The following RNF24 variants were observed in gnomAD, a reference collection of about 807,000 sequenced individuals.
RNF24 encodes ring finger protein 24.
Under a neutral mutation model 20.0 loss-of-function variants are expected in RNF24, and 14 were observed. The ratio of observed to expected loss-of-function variants is 0.70; its 90% CI spans 0.46 to 1.10. The LOEUF is 1.10. Among genes scored for constraint, RNF24 ranks in the 50% least tolerant of loss-of-function variants. RNF24 has a pLI of 0.00. For synonymous variants in RNF24, 45 were observed against 61.1 expected, an observed-to-expected ratio of 0.74 and a Z score of 1.23; for missense variants, 124 against 177.6, an observed-to-expected ratio of 0.70 and a Z score of 1.71.
intron 1 of RNF24, among the ~76,000 whole-genome samples, chr20:3,999,718 T>C (rs2147062262): frequency 6.6e-6 from 1 of 152,308 alleles, no homozygotes; most frequent in East Asian, 1.9e-4. Flanking sequence ...CATGCCATTG[T>C]ACTCCTGCAT....
chr20:3,973,500 C>A (rs1409742843), intron 1 of RNF24, among the ~76,000 whole-genome samples: 100 of 101,034 alleles, frequency 9.9e-4, no homozygotes, highest in Non-Finnish European at 1.3e-3. Flanking sequence ...GGAAGAATGA[C>A]AAAAAAAAAA....
chr20:3,973,302 C>T (rs6107380), intron 1 of RNF24, among the ~76,000 whole-genome samples: 1 of 151,568 alleles, frequency 6.6e-6, no homozygotes, highest in Admixed American at 6.6e-5. Flanking sequence ...TAAACGCACA[C>T]ATAAGAAAAT....
chr20:3,963,745 CG>C (rs1232203602), intron 2 of RNF24, 129 bp downstream of exon 2: 10 of 650,148 alleles, frequency 1.5e-5, no homozygotes, highest in Non-Finnish European at 2.6e-5. Flanking sequence ...CAGATTAAAA[CG>C]GTAAGCCATC....
At chr20:3,987,728 T>C (rs1277660666) in intron 1 of RNF24, among the ~76,000 whole-genome samples, 1 of 152,212 alleles carries the variant, frequency 6.6e-6, no homozygotes, top group African/African-American at 2.4e-5. Flanking sequence ...GTTCTGAGAT[T>C]CTCATAATAT....
chr20:3,993,746 T>C (rs999342378), intron 1 of RNF24, among the ~76,000 whole-genome samples: 1 of 152,218 alleles, frequency 6.6e-6, no homozygotes, highest in African/African-American at 2.4e-5. Flanking sequence ...TGATGCATCT[T>C]GGATCATCTT....
intron 1 of RNF24, among the ~76,000 whole-genome samples, chr20:3,982,663 G>A (rs1168136531): frequency 6.6e-6 from 1 of 151,854 alleles, no homozygotes; most frequent in South Asian, 2.1e-4. Context: ...AAGGTGGGAG[G>A]ATCCCTTGAG....
intron 1 of RNF24, chr20:4,015,225 A>C (rs1600735600): frequency 6.7e-6 from 1 of 149,316 alleles, no homozygotes; most frequent in Non-Finnish European, 1.5e-5. Flanking sequence ...GCCGCGCCGG[A>C]CCCTCCTCCG....
chr20:3,998,527 A>G (rs774637530), intron 1 of RNF24, among the ~76,000 whole-genome samples: 3 of 138,230 alleles, frequency 2.2e-5, no homozygotes, highest in Non-Finnish European at 3.1e-5. Context: ...GTGAGCCGAG[A>G]TTGCAACACT....
chr20:3,949,029 A>T (rs1211043419), intron 2 of RNF24, among the ~76,000 whole-genome samples: 1 of 152,242 alleles, frequency 6.6e-6, no homozygotes, highest in East Asian at 1.9e-4. Context: ...CTTTTAGTGG[A>T]CATATATACT....
chr20:3,937,252 A>G (rs1440541626), intron 4 of RNF24, among the ~76,000 whole-genome samples: 1 of 152,216 alleles, frequency 6.6e-6, no homozygotes. Flanking sequence ...TAAATGCTAA[A>G]GGTGACCAAA....
chr20:3,974,217 C>T, intron 1 of RNF24: 1 of 1,036,706 alleles, frequency 9.6e-7, no homozygotes, highest in Middle Eastern at 2.1e-4. Context: ...AAGAGAACTT[C>T]TTCAACATGT....
chr20:3,977,637 G>A (rs1292029684), intron 1 of RNF24, among the ~76,000 whole-genome samples: 5 of 152,042 alleles, frequency 3.3e-5, no homozygotes, highest in Non-Finnish European at 5.9e-5. Context: ...AGGCCGAGGC[G>A]GGCGGATCAC....
At chr20:4,010,088 A>T (rs1036544382) in intron 1 of RNF24, among the ~76,000 whole-genome samples, 7 of 114,810 alleles carry the variant, frequency 6.1e-5, no homozygotes, top group African/African-American at 2.1e-4. Context: ...CAAACAAACA[A>T]ACAAGGCCAG....
At chr20:3,946,112 CT>C (rs1294646592) in intron 3 of RNF24, among the ~76,000 whole-genome samples, 7 of 152,142 alleles carry the variant, frequency 4.6e-5, no homozygotes, top group Non-Finnish European at 1.0e-4. Context: ...ACTTAAATGA[CT>C]GCAAAGGCCA....
intron 1 of RNF24, among the ~76,000 whole-genome samples, chr20:4,005,027 T>C (rs1047565815): frequency 5.3e-5 from 8 of 152,208 alleles, no homozygotes; most frequent in African/African-American, 1.4e-4. Context: ...GAGGTGCCAG[T>C]ACAGGATAAC....
In RNF24 at chr20:3,983,633, C is replaced by A. The variant is rs973520266; in HGVS notation, c.-7-19609G>T. ...TGTAATCTTTTTATTTATATATCACCTAAAATAATTATAAAAATACATATC... is the reference window on the plus strand; with the variant it reads ...TGTAATCTTTTTATTTATATATCACATAAAATAATTATAAAAATACATATC... On this transcript the variant is annotated intron_variant, in intron 1 of 5. Coordinates refer to ENST00000358395, the MANE Select transcript of RNF24 (RefSeq NM_001134337.3). 3.9e-5 allele frequency among the ~76,000 whole-genome samples: 6 copies of A among 151,978 alleles called. No homozygotes were observed. In the East Asian group the frequency reaches 1.2e-3, roughly 29 times the overall value.
chr20:4,001,916 T>A (rs557891305), intron 1 of RNF24, among the ~76,000 whole-genome samples: 1 of 151,544 alleles, frequency 6.6e-6, no homozygotes, highest in Admixed American at 6.6e-5. Context: ...CACTGCACTC[T>A]AGCCTGGGCG....
Position 3,933,963 on chromosome 20 carries a change from C to T in RNF24, c.*100G>A. Reference sequence around the variant, plus strand: ...CTTCATGAGGCAAAAGAAGTGGCAGCTGGTGTCCTAGGTAGAGAGCAGCCA... The same window carrying T: ...CTTCATGAGGCAAAAGAAGTGGCAGTTGGTGTCCTAGGTAGAGAGCAGCCA... On this transcript the variant is annotated 3_prime_UTR_variant, in exon 6 of 6. Transcript: ENST00000358395. 2 of 1,186,360 alleles carry T rather than the reference C, an allele frequency of 1.7e-6. No homozygotes were observed. The highest frequency in any genetic ancestry group is 2.2e-6 in the Non-Finnish European group (2 of 903,630). 73.5% of individuals were successfully genotyped at this position (1,186,360 alleles called of 1,614,324 possible).
chr20:3,945,248 C>A lies in RNF24; in HGVS notation c.187-30G>T, dbSNP rs2091002955. 4 of 1,547,388 alleles carry A rather than the reference C, an allele frequency of 2.6e-6. No homozygotes were observed. In the East Asian group the frequency reaches 9.1e-5, roughly 35 times the overall value. The stretch of plus-strand genomic sequence containing the variant: ...AAGACAAAAAAGTATGTTCTTATGC[C>A]CATTTAAATCTGTAACTTTAAATAT... On this transcript the variant is annotated intron_variant, in intron 3 of 5. Transcript: ENST00000358395.
Sources: gnomAD v4.1 joint callset for allele counts (sites outside exome capture counted in the v4.1 genomes callset) on GRCh38, gnomAD v4.1.1 for gene constraint, MANE v1.5 for transcripts, NCBI Gene and HGNC (gene_info 2026-07-23, HGNC 2026-07-21) for gene names.